The following PPIH variants were observed in gnomAD, a reference collection of about 807,000 sequenced individuals.
PPIH encodes the protein peptidyl-prolyl cis-trans isomerase H.
A neutral mutation model predicts 27.6 loss-of-function variants in PPIH; 16 were observed. The ratio of observed to expected loss-of-function variants is 0.58; its 90% CI spans 0.39 to 0.88. The LOEUF is 0.88. Ranked by LOEUF, PPIH falls within the 40% of genes least tolerant of loss-of-function variation. PPIH has a pLI of 0.00. For missense variants in PPIH, 155 were observed against 224.1 expected (o/e 0.69, Z 1.97); for synonymous variants, 63 against 76.1 (o/e 0.83, Z 0.90).
intron 2 of PPIH, 125 bp downstream of exon 2, chr1:42,659,033 C>A: frequency 1.5e-6 from 2 of 1,295,704 alleles, no homozygotes; most frequent in Non-Finnish European, 2.2e-6. Context: ...TTCCTCCATG[C>A]ATTGCTCTGT....
downstream of PPIH, among the ~76,000 whole-genome samples, chr1:42,678,025 A>G (rs1649938909): frequency 6.6e-6 from 1 of 152,256 alleles, no homozygotes; most frequent in Admixed American, 6.5e-5. Context: ...GTTTCAGTGT[A>G]TCAGATGACA....
intron 1 of PPIH, 119 bp downstream of exon 1, chr1:42,658,631 G>A: frequency 8.0e-7 from 1 of 1,250,120 alleles, no homozygotes; most frequent in Admixed American, 2.0e-5. Context: ...AATTGCACCC[G>A]AACCTACCGA....
rs890845330 is a variant in PPIH at position 42,676,721 on chromosome 1, A to G, written c.*159A>G. 2.6e-5 allele frequency: 4 copies of G among 151,482 alleles called. No individual in the cohort carries two copies. The highest frequency in any genetic ancestry group is 7.3e-5 in the African/African-American group (3 of 41,014). 9.4% of individuals were successfully genotyped at this position (151,482 alleles called of 1,614,324 possible). On this transcript the variant is annotated 3_prime_UTR_variant, in exon 10 of 10. Transcript: ENST00000304979. Reference sequence around the variant, plus strand: ...AGATTCAGAATCCAAGATTGTCTTTAAGTTTTCAACTGTAAATAAAGTTTT... The same window carrying G: ...AGATTCAGAATCCAAGATTGTCTTTGAGTTTTCAACTGTAAATAAAGTTTT...
chr1:42,659,175 C>T (rs557032446), intron 2 of PPIH, 53 bp from the exon 3 acceptor site: 1 of 1,610,836 alleles, frequency 6.2e-7, no homozygotes, highest in East Asian at 2.2e-5. Flanking sequence ...TTTAGAGGCG[C>T]TCACGACTGT....
intron 8 of PPIH, 122 bp downstream of exon 8, chr1:42,666,709 G>A (rs1649361271): frequency 2.0e-6 from 2 of 1,023,152 alleles, no homozygotes; most frequent in Admixed American, 4.1e-5. Flanking sequence ...CATTGCCCCA[G>A]GAAAAGGGAA....
intron 1 of PPIH, 37 bp from the exon 2 acceptor site, chr1:42,658,807 T>C: frequency 1.2e-6 from 2 of 1,611,260 alleles, no homozygotes; most frequent in East Asian, 2.2e-5. Flanking sequence ...CTCATGGTCT[T>C]GGACTGGGCC....
chr1:42,665,943 G>A lies in PPIH; in HGVS notation c.337-37G>A, dbSNP rs190331557. The A allele has an allele frequency of 1.3e-3, 2,035 of 1,556,978 alleles. 5 individuals carry two copies. The highest frequency in any genetic ancestry group is 4.0e-3 in the Middle Eastern group (24 of 5,968). ...ATCTTGCCCTTCAGCTAACATGGCC[G>A]GGGAAACTTACTGCAGGTATATTTG... is the stretch of plus-strand genomic sequence containing the variant. On this transcript the variant is annotated intron_variant, in intron 6 of 9. Transcript: ENST00000304979.
chr1:42,661,820 A>G (rs1649037794), intron 5 of PPIH, among the ~76,000 whole-genome samples: 1 of 152,120 alleles, frequency 6.6e-6, no homozygotes, highest in African/African-American at 2.4e-5. Context: ...ATGGTGTTGT[A>G]TAACTGTGAA....
chr1:42,659,792 T>A (rs917997470), intron 4 of PPIH, among the ~76,000 whole-genome samples: 2 of 152,258 alleles, frequency 1.3e-5, no homozygotes, highest in African/African-American at 4.8e-5. Flanking sequence ...TATCTTGTCT[T>A]TTTCATGCAC....
At chr1:42,666,621 C>T (rs763866235) in intron 8 of PPIH, 34 bp downstream of exon 8, 2 of 1,605,462 alleles carry the variant, frequency 1.2e-6, no homozygotes, top group African/African-American at 2.7e-5. Flanking sequence ...GTTTCTCTGC[C>T]ATTGTGGTCT....
At chr1:42,666,168 G>GT in intron 7 of PPIH, 101 bp downstream of exon 7, 1 of 1,123,298 alleles carries the variant, frequency 8.9e-7, no homozygotes, top group South Asian at 1.3e-5. Context: ...CTCAACCTGT[G>GT]TAACTGCTTA....
intron 4 of PPIH, among the ~76,000 whole-genome samples, chr1:42,660,361 T>C (rs1263812636): frequency 1.3e-5 from 2 of 152,174 alleles, no homozygotes; most frequent in Admixed American, 1.3e-4. Flanking sequence ...ATAACGAAAA[T>C]CCTTTTTTAT....
At chr1:42,666,860 CCTT>C (rs1275667193) in intron 8 of PPIH, among the ~76,000 whole-genome samples, 7 of 152,170 alleles carry the variant, frequency 4.6e-5, no homozygotes, top group Admixed American at 3.3e-4. Context: ...CTCCATGGCC[CCTT>C]CTTCTGCCAT....
intron 6 of PPIH, 143 bp from the exon 7 acceptor site, chr1:42,665,837 A>T (rs1267315452): frequency 1.5e-6 from 1 of 679,782 alleles, no homozygotes; most frequent in East Asian, 2.8e-5. Context: ...ATCCTAGCTT[A>T]GGCCCTGGCT....
downstream of PPIH, among the ~76,000 whole-genome samples, chr1:42,680,974 A>G (rs545117812): frequency 1.3e-5 from 2 of 152,294 alleles, no homozygotes; most frequent in Admixed American, 1.3e-4. Context: ...ATTGACATTT[A>G]GAGGGTTTAG....
intron 7 of PPIH, 106 bp from the exon 8 acceptor site, chr1:42,666,441 T>C: frequency 8.6e-7 from 1 of 1,165,774 alleles, no homozygotes; most frequent in Non-Finnish European, 1.3e-6. Context: ...CTTAATTTCC[T>C]AAAGTTAGTA....
At position 42,666,649 on chromosome 1, in the gene PPIH, G is replaced by A. The variant is rs140898882; in HGVS notation, c.465+62G>A. The stretch of plus-strand genomic sequence containing the variant: ...TGTGGTCTGGTACTGTCTGACTAGC[G>A]TGCAGGAGCTAGAGAAGGGGGAATG... On this transcript the variant is annotated intron_variant, in intron 8 of 9. Coordinates refer to ENST00000304979, the MANE Select transcript of PPIH (RefSeq NM_006347.4). The A allele has an allele frequency of 3.8e-3, 5,748 of 1,519,408 alleles. 19 individuals are homozygous for A. The highest frequency in any genetic ancestry group is 4.7e-3 in the Non-Finnish European group (5,126 of 1,096,706). The allele number at this position is 1,519,408 out of a possible 1,614,324, so 94.1% of individuals were successfully genotyped here.
chr1:42,666,427 G>A (rs188156650), intron 7 of PPIH, 120 bp from the exon 8 acceptor site: 38 of 985,506 alleles, frequency 3.9e-5, no homozygotes, highest in East Asian at 9.8e-5. Context: ...CACCTCTACC[G>A]CATCTTAATT....
chr1:42,660,237 A>G (rs1329186635), intron 4 of PPIH, among the ~76,000 whole-genome samples: 1 of 152,196 alleles, frequency 6.6e-6, no homozygotes, highest in African/African-American at 2.4e-5. Context: ...CCCCAAATTT[A>G]CATCAAACCC....
Sources: allele counts gnomAD v4.1 joint callset (sites outside exome capture counted in the v4.1 genomes callset), GRCh38; gene constraint gnomAD v4.1.1; transcripts MANE v1.5; gene names NCBI Gene and HGNC (gene_info 2026-07-23, HGNC 2026-07-21).